The following DOCK3 variants were observed in gnomAD, a reference collection of about 807,000 sequenced individuals.
DOCK3 encodes dedicator of cytokinesis 3.
A neutral mutation model predicts 265.6 loss-of-function variants in DOCK3; 60 were observed. The ratio of observed to expected loss-of-function variants is 0.23; its 90% CI spans 0.18 to 0.28. The LOEUF (loss-of-function observed/expected upper bound fraction) is 0.28. DOCK3 is among the 10% of genes least tolerant of loss of function. DOCK3 has a pLI of 1.00. For synonymous variants in DOCK3, 881 were observed against 938.0 expected (o/e 0.94, Z 1.11); for missense variants, 1,981 against 2,594.3 (o/e 0.76, Z 5.14).
At chr3:51,326,187 T>A (rs2084098163) in intron 32 of DOCK3, among the ~76,000 whole-genome samples, 2 of 152,162 alleles carry the variant, frequency 1.3e-5, no homozygotes, top group Non-Finnish European at 2.9e-5. Context: ...ACCCTGTCAG[T>A]TTAGAGTCTA....
At chr3:51,050,171 G>T (rs1462345852) in intron 5 of DOCK3, among the ~76,000 whole-genome samples, 1 of 152,002 alleles carries the variant, frequency 6.6e-6, no homozygotes, top group Non-Finnish European at 1.5e-5. Context: ...ATTGCTTGAG[G>T]CCAGGAGTTT....
chr3:51,148,202 T>C (rs2085395543), intron 10 of DOCK3, among the ~76,000 whole-genome samples: 1 of 152,234 alleles, frequency 6.6e-6, no homozygotes, highest in Admixed American at 6.5e-5. Context: ...GTTTTTACTC[T>C]TGTAAATTTG....
At chr3:51,287,133 T>G (rs1237214916) in intron 27 of DOCK3, among the ~76,000 whole-genome samples, 1 of 152,086 alleles carries the variant, frequency 6.6e-6, no homozygotes, top group Non-Finnish European at 1.5e-5. Context: ...AACAACTCTG[T>G]TAAAAAGTGG....
At position 51,354,929 on chromosome 3, in the gene DOCK3, C is replaced by T; in HGVS notation, c.4155C>T (p.Ala1385=). 1.2e-6 allele frequency: 2 copies of T among 1,613,944 alleles called. No homozygotes were observed. Among genetic ancestry groups the T allele is most frequent in the Non-Finnish European group, 1.7e-6 (2 of 1,179,866 alleles). ...GCCATGACTACGAGAGGCTGGAGGC[C>T]TTCCAGCAGAGGATGCTCAGTGAGT... The part of the protein sequence containing the change: ...CRGHDYERLE[A]FQQRMLSEFP... The change falls in exon 41 of 53, where the codon GCC becomes GCT. Residue 1385 remains alanine, a synonymous_variant. Coordinates refer to ENST00000266037, the MANE Select transcript of DOCK3 (RefSeq NM_004947.5).
chr3:50,877,700 A>C (rs1451092748), intron 3 of DOCK3: 1 of 350,732 alleles, frequency 2.9e-6, no homozygotes, highest in Non-Finnish European at 5.5e-6. Flanking sequence ...TTTATGTTGG[A>C]GTCTCGCTGT....
intron 1 of DOCK3, among the ~76,000 whole-genome samples, chr3:50,687,913 G>A (rs956103268): frequency 3.3e-5 from 5 of 152,102 alleles, no homozygotes; most frequent in Non-Finnish European, 5.9e-5. Context: ...AAAATATATC[G>A]CACAAAAGCA....
At chr3:51,258,073 A>T (rs554672313) in intron 22 of DOCK3, among the ~76,000 whole-genome samples, 107 of 152,294 alleles carry the variant, frequency 7.0e-4, no homozygotes, top group African/African-American at 2.4e-3. Context: ...ATATTGTGTA[A>T]CCTAATAGAG....
At chr3:51,087,898 T>C (rs1454048286) in intron 7 of DOCK3, among the ~76,000 whole-genome samples, 1 of 152,176 alleles carries the variant, frequency 6.6e-6, no homozygotes, top group Admixed American at 6.5e-5. Context: ...TACTACTGGA[T>C]ATTTATCAAA....
At chr3:50,909,540 A>G (rs1575506079) in intron 4 of DOCK3, among the ~76,000 whole-genome samples, 1 of 151,496 alleles carries the variant, frequency 6.6e-6, no homozygotes, top group South Asian at 2.1e-4. Context: ...ATTGGCTTCC[A>G]ATCTCTTCTG....
intron 9 of DOCK3, among the ~76,000 whole-genome samples, chr3:51,105,067 C>G (rs187405532): frequency 6.6e-6 from 1 of 152,192 alleles, no homozygotes; most frequent in East Asian, 1.9e-4. Flanking sequence ...GTATTCCAAG[C>G]AAAGGAGAGA....
chr3:50,688,613 C>A (rs1021513695), intron 1 of DOCK3, among the ~76,000 whole-genome samples: 1 of 152,114 alleles, frequency 6.6e-6, no homozygotes, highest in African/African-American at 2.4e-5. Context: ...TAGGCGCATG[C>A]CACCAAGCCT....
chr3:50,970,500 T>C (rs1327998264), intron 5 of DOCK3, among the ~76,000 whole-genome samples: 1 of 152,108 alleles, frequency 6.6e-6, no homozygotes, highest in Non-Finnish European at 1.5e-5. Flanking sequence ...CTTTTTTCTT[T>C]ATTTTTGTCT....
chr3:51,270,585 G>A (rs767433778), intron 23 of DOCK3, among the ~76,000 whole-genome samples: 1 of 152,212 alleles, frequency 6.6e-6, no homozygotes, highest in Non-Finnish European at 1.5e-5. Flanking sequence ...TGCAAGTTAT[G>A]AAAGCCTCCA....
intron 12 of DOCK3, among the ~76,000 whole-genome samples, chr3:51,205,434 A>C (rs530129254): frequency 1.3e-5 from 2 of 151,936 alleles, no homozygotes; most frequent in East Asian, 3.9e-4. Flanking sequence ...GTGGCTCATG[A>C]CTGTGATCTT....
chr3:51,149,246 T>C (rs1220939531), intron 10 of DOCK3, among the ~76,000 whole-genome samples: 1 of 152,288 alleles, frequency 6.6e-6, no homozygotes, highest in African/African-American at 2.4e-5. Flanking sequence ...TGGGCTGAGA[T>C]AATGGGGTTT....
At chr3:50,939,481 C>T (rs1348038311) in intron 5 of DOCK3, among the ~76,000 whole-genome samples, 1 of 151,890 alleles carries the variant, frequency 6.6e-6, no homozygotes, top group African/African-American at 2.4e-5. Context: ...CACAAACATC[C>T]TCAATAAGGT....
intron 1 of DOCK3, among the ~76,000 whole-genome samples, chr3:50,724,700 G>A (rs1012971676): frequency 6.6e-6 from 1 of 152,014 alleles, no homozygotes; most frequent in African/African-American, 2.4e-5. Context: ...ATGGGGGTCT[G>A]GGGGAGGGAT....
At chr3:50,688,201 C>G (rs1458989741) in intron 1 of DOCK3, among the ~76,000 whole-genome samples, 1 of 152,174 alleles carries the variant, frequency 6.6e-6, no homozygotes, top group African/African-American at 2.4e-5. Flanking sequence ...AAGAATGTGT[C>G]TCAAGTGCAG....
intron 27 of DOCK3, among the ~76,000 whole-genome samples, chr3:51,293,926 T>C (rs1487147758): frequency 6.6e-6 from 1 of 152,188 alleles, no homozygotes; most frequent in Non-Finnish European, 1.5e-5. Context: ...TTAGATAAGC[T>C]ATAATCAAAA....
Sources: gnomAD v4.1 joint callset for allele counts (sites outside exome capture counted in the v4.1 genomes callset) on GRCh38, gnomAD v4.1.1 for gene constraint, MANE v1.5 for transcripts, NCBI Gene and HGNC (gene_info 2026-07-23, HGNC 2026-07-21) for gene names.